The following ANKRD13A variants were observed in gnomAD, a reference collection of about 807,000 sequenced individuals.
ANKRD13A encodes the protein ankyrin repeat domain-containing protein 13A.
Under a neutral mutation model 81.3 loss-of-function variants are expected in ANKRD13A, and 48 were observed. The ratio of observed to expected loss-of-function variants is 0.59; its 90% confidence interval spans 0.47 to 0.75. ANKRD13A has a LOEUF of 0.75. Among genes scored for constraint, ANKRD13A ranks in the 30% least tolerant of loss-of-function variants. The pLI, the probability that ANKRD13A is intolerant of heterozygous loss-of-function variation, is 0.00. For missense variants in ANKRD13A, 612 were observed against 734.0 expected (o/e 0.83, Z 1.92); for synonymous variants, 230 against 270.1 (o/e 0.85, Z 1.45).
At chr12:110,005,794 C>G (rs1890213384) in intron 1 of ANKRD13A, among the ~76,000 whole-genome samples, 2 of 152,208 alleles carry the variant, frequency 1.3e-5, no homozygotes, top group South Asian at 4.1e-4. Context: ...AGTAACGCTG[C>G]TGTGTGTATT....
Position 110,038,873 on chromosome 12 carries a change from G to C in ANKRD13A, c.*1319G>C, listed in dbSNP as rs1418577202. 6.6e-6 allele frequency: 1 copy of C among 152,106 alleles called. No individual in the cohort carries two copies. The highest frequency in any genetic ancestry group is 1.5e-5 in the Non-Finnish European group (1 of 68,024). The allele number at this position is 152,106 out of a possible 1,614,324, so 9.4% of individuals were successfully genotyped here. A position where few individuals can be genotyped will look rare whatever the true frequency, so the allele number is the denominator to read the frequency against. Reference sequence around the variant, plus strand: ...GTGGCCCGTGTATTCATTCCCACAGGCTGCACTGAAATAACCTGGTAAACA... The same window carrying C: ...GTGGCCCGTGTATTCATTCCCACAGCCTGCACTGAAATAACCTGGTAAACA... On this transcript the variant is annotated 3_prime_UTR_variant, in exon 15 of 15. Transcript: ENST00000261739.
At chr12:110,005,687 T>C (rs1890205780) in intron 1 of ANKRD13A, among the ~76,000 whole-genome samples, 1 of 152,246 alleles carries the variant, frequency 6.6e-6, no homozygotes, top group African/African-American at 2.4e-5. Context: ...ATATATTCCA[T>C]TGCATGGATG....
At position 110,036,119 on chromosome 12, in the gene ANKRD13A, C is replaced by G. The variant is rs1892031714; in HGVS notation, c.1510-142C>G. The G allele has an allele frequency of 1.3e-6, 1 of 754,752 alleles. No homozygotes were observed. The highest frequency in any genetic ancestry group is 2.3e-6 in the Non-Finnish European group (1 of 433,094). 46.8% of individuals were successfully genotyped at this position (754,752 alleles called of 1,614,324 possible). Reference sequence around the variant, plus strand: ...GTGTTGTTTTTGAGGTAACCCAAGTCCCTGTTAGCTTTTCACACAGCACTA... The same window carrying G: ...GTGTTGTTTTTGAGGTAACCCAAGTGCCTGTTAGCTTTTCACACAGCACTA... On this transcript the variant is annotated intron_variant, in intron 13 of 14. Coordinates refer to ENST00000261739, the MANE Select transcript of ANKRD13A (RefSeq NM_033121.2). This position sits in a 1 kb window ranked among gnomAD's most constrained non-coding sequence, Gnocchi z 4.6.
chr12:110,028,623 C>G lies in ANKRD13A; in HGVS notation c.1057C>G (p.Leu353Val), dbSNP rs757465378. ...KDRDIGRPKELTIRTQKFKAM... is the reference protein window; with the variant it reads ...KDRDIGRPKEVTIRTQKFKAM... ...CAGGGACATTGGAAGGCCGAAAGAG[C>G]TGACGATTAGAACACAGAAGTAAGA... The change falls in exon 10 of 15, where the codon CTG becomes GTG. Residue 353 changes from leucine to valine, a missense_variant. By Grantham distance (32) the Leu-to-Val change is conservative. Coordinates refer to ENST00000261739, the MANE Select transcript of ANKRD13A (RefSeq NM_033121.2). 5 of 1,614,206 alleles carry G rather than the reference C, an allele frequency of 3.1e-6. No homozygotes were observed. The highest frequency in any genetic ancestry group is 4.2e-6 in the Non-Finnish European group (5 of 1,180,030).
intron 4 of ANKRD13A, among the ~76,000 whole-genome samples, chr12:110,017,904 C>A (rs190367799): frequency 1.5e-3 from 221 of 151,838 alleles, no homozygotes; most frequent in Middle Eastern, 0.01. Flanking sequence ...TGCACTCCAG[C>A]CTGGGCGACA....
rs367742868 is a variant in ANKRD13A, at chr12:110,036,396, C to T, written c.1577+68C>T. The T allele has an allele frequency of 9.4e-6, 14 of 1,496,316 alleles. No homozygotes were observed. Among genetic ancestry groups the T allele is most frequent in the Middle Eastern group, 3.4e-4 (2 of 5,830 alleles). The allele number at this position is 1,496,316 out of a possible 1,614,324, so 92.7% of individuals were successfully genotyped here. A position where few individuals can be genotyped will look rare whatever the true frequency, so the allele number is the denominator to read the frequency against. ...AGGCCTGGACACAGGCGAGCAGACG[C>T]GTGGCACTGTGCATTTGGTCCTCAG... On this transcript the variant is annotated intron_variant, in intron 14 of 14. Transcript: ENST00000261739. The surrounding 1 kb of genome is among the most constrained non-coding windows in gnomAD (Gnocchi z 4.6).
intron 6 of ANKRD13A, chr12:110,021,661 G>A (rs1017539163): frequency 2.0e-5 from 3 of 152,244 alleles, no homozygotes; most frequent in Admixed American, 6.5e-5. Flanking sequence ...CTGGCCTCAG[G>A]TGATCTGCCT....
intron 12 of ANKRD13A, among the ~76,000 whole-genome samples, chr12:110,033,268 T>C (rs1281357316): frequency 6.6e-6 from 1 of 151,194 alleles, no homozygotes; most frequent in East Asian, 1.9e-4. Context: ...TTCACCATGT[T>C]AGCCAAGATG....
intron 7 of ANKRD13A, among the ~76,000 whole-genome samples, chr12:110,025,224 C>T (rs1440593743): frequency 6.6e-6 from 1 of 152,118 alleles, no homozygotes; most frequent in Non-Finnish European, 1.5e-5. Flanking sequence ...GTCATAGTAG[C>T]ACATGCCTGT....
chr12:110,026,993 G>C (rs774212742), intron 8 of ANKRD13A: 1 of 152,206 alleles, frequency 6.6e-6, no homozygotes, highest in Non-Finnish European at 1.5e-5. Context: ...TTGTTTATGT[G>C]TTATCAAGAA....
At chr12:110,023,022 A>T (rs970850120) in intron 6 of ANKRD13A, among the ~76,000 whole-genome samples, 10 of 152,176 alleles carry the variant, frequency 6.6e-5, no homozygotes, top group African/African-American at 2.4e-4. Flanking sequence ...AGAAAAGCAA[A>T]CTATTTGGAA....
Position 110,025,799 on chromosome 12 carries a change from G to C in ANKRD13A, c.859G>C (p.Glu287Gln). 1 of 1,613,392 alleles carries C rather than the reference G, an allele frequency of 6.2e-7. No individual in the cohort carries two copies. The highest frequency in any genetic ancestry group is 8.5e-7 in the Non-Finnish European group (1 of 1,179,732). Residue 287 changes from glutamate to glutamine, a missense_variant, in exon 8 of 15, where the codon GAG (glutamate) becomes CAG (glutamine). Physicochemically the swap from Glu to Gln is conservative, Grantham distance 29. Transcript: ENST00000261739. ...ITKIRTEHLT[E>Q]EEKKRYKADR... ...CAAAATACGCACAGAACATCTGACC[G>C]AGGAGGAAAAAAAGAGATATAAAGG...
intron 1 of ANKRD13A, among the ~76,000 whole-genome samples, chr12:110,001,741 C>T (rs1033522238): frequency 2.0e-5 from 3 of 151,562 alleles, no homozygotes; most frequent in African/African-American, 7.3e-5. Flanking sequence ...AAAAAGAATT[C>T]CAGATACGAT....
chr12:110,004,476 G>A (rs923863359), intron 1 of ANKRD13A, among the ~76,000 whole-genome samples: 5 of 151,242 alleles, frequency 3.3e-5, no homozygotes, highest in Non-Finnish European at 5.9e-5. Context: ...TTAGCCAGGC[G>A]TGGTGGTGCA....
intron 3 of ANKRD13A, among the ~76,000 whole-genome samples, chr12:110,015,996 G>T (rs1890781146): frequency 6.7e-6 from 1 of 148,184 alleles, no homozygotes; most frequent in Non-Finnish European, 1.5e-5. Flanking sequence ...CTGTTGCCCA[G>T]GCTGGAGTGC....
At chr12:110,028,258 T>C in intron 9 of ANKRD13A, 1 of 400,248 alleles carries the variant, frequency 2.5e-6, no homozygotes, top group East Asian at 4.4e-5. Flanking sequence ...TCTTTCTTTT[T>C]TTCTTTGTTA....
chr12:110,015,099 C>T (rs1020558823), intron 3 of ANKRD13A, among the ~76,000 whole-genome samples: 5 of 151,794 alleles, frequency 3.3e-5, no homozygotes, highest in Admixed American at 1.3e-4. Flanking sequence ...TGAAGGGTAA[C>T]TTTTAGATTT....
intron 9 of ANKRD13A, chr12:110,028,269 T>C: frequency 7.2e-6 from 3 of 419,424 alleles, no homozygotes; most frequent in Non-Finnish European, 1.3e-5. Flanking sequence ...TTCTTTGTTA[T>C]AATCAGGAGA....
chr12:110,033,934 C>T lies in ANKRD13A; in HGVS notation c.1486C>T (p.Leu496=). Reference sequence around the variant, plus strand: ...AATGCAGTTTGCCATCCAGCAAAGTCTGCTGGAGTCCAGCAGGAGCCAGGT... The same window carrying T: ...AATGCAGTTTGCCATCCAGCAAAGTTTGCTGGAGTCCAGCAGGAGCCAGGT... ...EIMQFAIQQS[L]LESSRSQELS... Residue 496 remains leucine, a synonymous_variant, in exon 13 of 15, where the codon CTG becomes TTG. Transcript: ENST00000261739. 2 of 1,611,106 alleles carry T rather than the reference C, an allele frequency of 1.2e-6. No individual in the cohort carries two copies. Among genetic ancestry groups the T allele is most frequent in the South Asian group, 2.2e-5 (2 of 90,534 alleles).
Sources: gnomAD v4.1 joint callset for allele counts (sites outside exome capture counted in the v4.1 genomes callset) on GRCh38, gnomAD v4.1.1 for gene constraint, Gnocchi (gnomAD v3.1) non-coding constraint, MANE v1.5 for transcripts, NCBI Gene and HGNC (gene_info 2026-07-23, HGNC 2026-07-21) for gene names.